Variants in TRANK1 observed in about 807,000 individuals in gnomAD.
TRANK1 encodes tetratricopeptide repeat and ankyrin repeat containing 1.
In TRANK1, 198 loss-of-function variants were observed where a neutral mutation model predicts 266.0. The ratio of observed to expected loss-of-function variants is 0.74; its 90% CI spans 0.66 to 0.84. TRANK1 has a LOEUF of 0.84. TRANK1 is among the 40% of genes least tolerant of loss of function. The pLI, the probability that TRANK1 is intolerant of heterozygous loss-of-function variation, is 0.00. For missense variants in TRANK1, 3,326 were observed against 3,634.6 expected (o/e 0.92, Z 2.18); for synonymous variants, 1,396 against 1,384.1 (o/e 1.01, Z -0.19).
In TRANK1 at chr3:36,880,073, C is replaced by CAAATATATATAAACATATAT; in HGVS notation, c.908-5797_908-5778dup. 11 of 30,214 alleles carry CAAATATATATAAACATATAT rather than the reference C, an allele frequency of 3.6e-4. 2 individuals carry two copies. Among genetic ancestry groups the CAAATATATATAAACATATAT allele is most frequent in the Non-Finnish European group, 7.5e-4 (10 of 13,364 alleles). The allele number at this position is 30,214 out of a possible 1,614,324, so 1.9% of individuals were successfully genotyped here. ...AAACATACAAATATATGTAAACATG[C>CAAATATATATAAACATATAT]AAATATATATAAACATATATAAATA... On this transcript the variant is annotated intron_variant, in intron 8 of 23. Transcript: ENST00000645898.
intron 6 of TRANK1, 49 bp downstream of exon 6, chr3:36,892,852 C>G (rs539796944): frequency 1.8e-6 from 1 of 550,644 alleles, no homozygotes; most frequent in African/African-American, 2.3e-5. Context: ...CAAAACAAAA[C>G]ATATATATAT....
intron 1 of TRANK1, among the ~76,000 whole-genome samples, chr3:36,938,434 G>T (rs2080453751): frequency 6.6e-6 from 1 of 151,768 alleles, no homozygotes; most frequent in African/African-American, 2.4e-5. Context: ...GGCCAGGCTG[G>T]TCTCAAACTC....
At chr3:36,876,151 C>G (rs1260614238) in intron 8 of TRANK1, among the ~76,000 whole-genome samples, 4 of 152,186 alleles carry the variant, frequency 2.6e-5, no homozygotes, top group Admixed American at 2.6e-4. Flanking sequence ...CTGAGAACCA[C>G]CCAGTTTTCC....
rs1182500553 is a variant in TRANK1 at position 36,855,177 on chromosome 3, G to A, written c.4545C>T (p.His1515=). The change falls in exon 13 of 24, where the codon CAC becomes CAT. Residue 1515 remains histidine (H), a synonymous_variant. Coordinates refer to ENST00000645898, the MANE Select transcript of TRANK1 (RefSeq NM_001329998.2). ...AAACCCAAGAGCTGGACTTACCTGA[G>A]TGGGACCTGTAATTCTGGTACAGCT... is the stretch of plus-strand genomic sequence containing the variant. The part of the protein sequence containing the change: ...IHQLYQNYRS[H]SGILNLASGV... 8.1e-6 allele frequency: 13 copies of A among 1,609,044 alleles called. No individual in the cohort carries two copies. Among genetic ancestry groups the A allele is most frequent in the East Asian group, 2.2e-5 (1 of 44,788 alleles).
intron 17 of TRANK1, among the ~76,000 whole-genome samples, chr3:36,844,908 CT>C (rs1193645759): frequency 6.6e-6 from 1 of 152,074 alleles, no homozygotes; most frequent in African/African-American, 2.4e-5. Context: ...GAACAATAGC[CT>C]TGAGGAGACG....
At chr3:36,912,882 TA>T (rs752489863) in intron 1 of TRANK1, among the ~76,000 whole-genome samples, 121 of 152,170 alleles carry the variant, frequency 8.0e-4, no homozygotes, top group Middle Eastern at 3.2e-3. Flanking sequence ...TTTTTTATTT[TA>T]TTTTTTTGGG....
intron 10 of TRANK1, among the ~76,000 whole-genome samples, chr3:36,863,531 A>G (rs1433002615): frequency 6.6e-6 from 1 of 152,232 alleles, no homozygotes; most frequent in African/African-American, 2.4e-5. Context: ...AGAAAGGCTG[A>G]CAACCTAGCC....
At chr3:36,892,878 T>C in intron 6 of TRANK1, 23 bp downstream of exon 6, 1 of 960,786 alleles carries the variant, frequency 1.0e-6, no homozygotes, top group Non-Finnish European at 1.4e-6. Context: ...TATAGATATA[T>C]ATAGATATAT....
chr3:36,943,664 C>T (rs1403450610), intron 1 of TRANK1, among the ~76,000 whole-genome samples: 1 of 150,906 alleles, frequency 6.6e-6, no homozygotes. Context: ...AAGGACCAAA[C>T]AGGATGCCAT....
intron 18 of TRANK1, 61 bp downstream of exon 18, chr3:36,842,561 C>G (rs2078861223): frequency 1.4e-6 from 2 of 1,461,104 alleles, no homozygotes; most frequent in Non-Finnish European, 1.9e-6. Context: ...GATGTGAAAC[C>G]TGCCTGTGAG....
intron 20 of TRANK1, among the ~76,000 whole-genome samples, chr3:36,835,330 A>C (rs867427248): frequency 7.2e-4 from 109 of 150,782 alleles, no homozygotes; most frequent in African/African-American, 2.5e-3. Flanking sequence ...AAAAAAAAAA[A>C]AAAAAAAAAA....
intron 1 of TRANK1, among the ~76,000 whole-genome samples, chr3:36,939,983 C>T (rs559137346): frequency 6.6e-5 from 10 of 151,900 alleles, no homozygotes; most frequent in Admixed American, 3.3e-4. Flanking sequence ...CTCCACCTCC[C>T]GGGTTCAAGC....
chr3:36,939,014 G>A (rs1170960758), intron 1 of TRANK1, among the ~76,000 whole-genome samples: 4 of 151,680 alleles, frequency 2.6e-5, no homozygotes, highest in Non-Finnish European at 5.9e-5. Flanking sequence ...ACACATGCTG[G>A]TAATTGCAGC....
intron 3 of TRANK1, 124 bp downstream of exon 3, chr3:36,903,025 G>A (rs2079906481): frequency 1.3e-5 from 17 of 1,268,320 alleles, no homozygotes; most frequent in Non-Finnish European, 1.8e-5. Context: ...CTAAAAGGAA[G>A]GAGGCAGCAG....
Position 36,831,106 on chromosome 3 carries a change from T to G in TRANK1, c.8477A>C (p.His2826Pro). 10 of 1,613,918 alleles carry G rather than the reference T, an allele frequency of 6.2e-6. No individual in the cohort carries two copies. Among genetic ancestry groups the G allele is most frequent in the Non-Finnish European group, 8.5e-6 (10 of 1,179,886 alleles). The change falls in exon 22 of 24, where the codon CAC (histidine) becomes CCC (proline). Residue 2826 changes from histidine to proline, a missense_variant. By Grantham distance (77) the His-to-Pro change is moderately conservative. Transcript: ENST00000645898. The surrounding 1 kb of genome is among the most constrained non-coding windows in gnomAD (Gnocchi z 5.0). ...GTAGGCCACTTGCTGCCTCTGGTGGTGTTCTAGATGGATATGCTGCTCGTA... is the reference window on the plus strand; with the variant it reads ...GTAGGCCACTTGCTGCCTCTGGTGGGGTTCTAGATGGATATGCTGCTCGTA... The part of the protein sequence containing the change: ...ESYEQHIHLE[H>P]HQRQQVAYQK...
intron 1 of TRANK1, among the ~76,000 whole-genome samples, chr3:36,913,566 G>T (rs892877070): frequency 6.6e-6 from 1 of 151,862 alleles, no homozygotes; most frequent in Non-Finnish European, 1.5e-5. Context: ...CAGGAAGGGT[G>T]CCACAGACAG....
At chr3:36,871,982 T>C (rs1484551657) in intron 9 of TRANK1, among the ~76,000 whole-genome samples, 1 of 152,230 alleles carries the variant, frequency 6.6e-6, no homozygotes, top group Non-Finnish European at 1.5e-5. Flanking sequence ...CACATTTAAA[T>C]AACTGCAGGA....
intron 15 of TRANK1, among the ~76,000 whole-genome samples, chr3:36,848,866 G>A (rs1422440628): frequency 1.3e-5 from 2 of 152,222 alleles, no homozygotes; most frequent in Non-Finnish European, 1.5e-5. Context: ...CATGAGATAC[G>A]GACTGGCTAA....
intron 8 of TRANK1, among the ~76,000 whole-genome samples, chr3:36,886,365 T>TC (rs1032990631): frequency 1.3e-5 from 2 of 151,252 alleles, no homozygotes; most frequent in Non-Finnish European, 3.0e-5. Flanking sequence ...CACCTTAGCC[T>TC]CCCCCAAAGT....
Sources: gnomAD v4.1 joint callset for allele counts (sites outside exome capture counted in the v4.1 genomes callset) on GRCh38, gnomAD v4.1.1 for gene constraint, Gnocchi (gnomAD v3.1) non-coding constraint, MANE v1.5 for transcripts, NCBI Gene and HGNC (gene_info 2026-07-23, HGNC 2026-07-21) for gene names.